CSMD1: variants seen among roughly 807,000 people sequenced by gnomAD.
CSMD1 encodes the protein CUB and Sushi multiple domains 1.
A neutral mutation model predicts 417.5 loss-of-function variants in CSMD1; 213 were observed. The ratio of observed to expected loss-of-function variants is 0.51; its 90% CI spans 0.46 to 0.57. The LOEUF (loss-of-function observed/expected upper bound fraction) is 0.57, where lower values mean the gene tolerates loss of function less well. CSMD1 is among the 20% of genes least tolerant of loss of function. The pLI, the probability that CSMD1 is intolerant of heterozygous loss-of-function variation, is 0.00. For synonymous variants in CSMD1, 2,862 were observed against 1,736.8 expected (o/e 1.65, Z -16.11); for missense variants, 6,923 against 4,529.7 (o/e 1.53, Z -15.17).
At chr8:3,832,837 G>A (rs561341858) in intron 5 of CSMD1, among the ~76,000 whole-genome samples, 1 of 152,152 alleles carries the variant, frequency 6.6e-6, no homozygotes, top group South Asian at 2.1e-4. Context: ...CAATTTGTAT[G>A]GTTATAGAAA....
chr8:4,018,743 G>T (rs4875262), intron 4 of CSMD1, among the ~76,000 whole-genome samples: 2 of 151,908 alleles, frequency 1.3e-5, no homozygotes, highest in Admixed American at 6.6e-5. Context: ...AGAACGGACA[G>T]CATGTGACAA....
intron 3 of CSMD1, among the ~76,000 whole-genome samples, chr8:4,312,684 C>G (rs35325775): frequency 0.048 from 7,275 of 151,756 alleles, 237 homozygotes; most frequent in Non-Finnish European, 0.063. Context: ...TGAGACCAGC[C>G]TGGCCAACCT....
At chr8:4,521,126 G>A (rs1803422210) in intron 2 of CSMD1, among the ~76,000 whole-genome samples, 1 of 151,960 alleles carries the variant, frequency 6.6e-6, no homozygotes, top group Admixed American at 6.6e-5. Context: ...TTTCTTCAAA[G>A]TTCATCAATT....
At chr8:3,034,890 A>C (rs1050432371) in intron 50 of CSMD1, among the ~76,000 whole-genome samples, 4 of 152,232 alleles carry the variant, frequency 2.6e-5, no homozygotes, top group African/African-American at 9.6e-5. Context: ...TATGACTCGA[A>C]CATCACAGAA....
intron 4 of CSMD1, among the ~76,000 whole-genome samples, chr8:3,999,924 C>A (rs1434577093): frequency 6.6e-6 from 1 of 152,054 alleles, no homozygotes; most frequent in African/African-American, 2.4e-5. Context: ...TTTTTAGATC[C>A]CAAATTTATT....
intron 9 of CSMD1, among the ~76,000 whole-genome samples, chr8:3,580,183 G>A (rs1433012519): frequency 6.6e-6 from 1 of 152,204 alleles, no homozygotes; most frequent in Admixed American, 6.5e-5. Flanking sequence ...GGGTATGGCG[G>A]AGAGAGAACA....
intron 3 of CSMD1, among the ~76,000 whole-genome samples, chr8:4,122,984 CAA>C (rs1375255656): frequency 6.6e-6 from 1 of 152,194 alleles, no homozygotes; most frequent in African/African-American, 2.4e-5. Flanking sequence ...TGATAATTGG[CAA>C]AGACGTGCCA....
intron 3 of CSMD1, among the ~76,000 whole-genome samples, chr8:4,212,895 T>C (rs1368994968): frequency 6.6e-6 from 1 of 151,994 alleles, no homozygotes; most frequent in Non-Finnish European, 1.5e-5. Flanking sequence ...GTTTAGAGGC[T>C]GAGCTGGAAA....
intron 25 of CSMD1, among the ~76,000 whole-genome samples, chr8:3,302,155 A>G (rs1804461939): frequency 6.6e-6 from 1 of 152,166 alleles, no homozygotes; most frequent in Non-Finnish European, 1.5e-5. Flanking sequence ...ATAATGATGA[A>G]ATAATGATGA....
At chr8:4,179,402 C>T (rs1249428106) in intron 3 of CSMD1, among the ~76,000 whole-genome samples, 1 of 152,112 alleles carries the variant, frequency 6.6e-6, no homozygotes, top group African/African-American at 2.4e-5. Context: ...TGGATCCCTT[C>T]CTTACACCCT....
rs144213388 is a variant in CSMD1 at position 3,612,085 on chromosome 8, T to A, written c.1097+4625A>T. Reference sequence around the variant, plus strand: ...ATTAAAACAATGTTGTGCAACAGATTGAATATAGAAACATATATAACAATC... The same window carrying A: ...ATTAAAACAATGTTGTGCAACAGATAGAATATAGAAACATATATAACAATC... On this transcript the variant is annotated intron_variant, in intron 8 of 69. Coordinates refer to ENST00000635120, the MANE Select transcript of CSMD1 (RefSeq NM_033225.6). Among the ~76,000 whole-genome samples the A allele has an allele frequency of 3.9e-5, 6 of 152,204 alleles. No individual in the cohort carries two copies. In the East Asian group the frequency reaches 1.2e-3, roughly 29 times the overall value.
chr8:4,296,365 G>A (rs776621294), intron 3 of CSMD1, among the ~76,000 whole-genome samples: 2 of 151,990 alleles, frequency 1.3e-5, no homozygotes, highest in Non-Finnish European at 2.9e-5. Flanking sequence ...TATATTTCAG[G>A]ACCACATCCA....
intron 2 of CSMD1, among the ~76,000 whole-genome samples, chr8:4,603,147 A>G (rs1800684872): frequency 6.6e-6 from 1 of 152,034 alleles, no homozygotes; most frequent in Non-Finnish European, 1.5e-5. Context: ...ACATAGCTAT[A>G]TTAATTACTT....
chr8:4,208,950 A>G (rs905179699), intron 3 of CSMD1, among the ~76,000 whole-genome samples: 5 of 152,218 alleles, frequency 3.3e-5, no homozygotes, highest in African/African-American at 9.6e-5. Context: ...GACCCTTTGC[A>G]GTACGCAATT....
At chr8:3,320,157 GA>G (rs1249746914) in intron 23 of CSMD1, among the ~76,000 whole-genome samples, 31 of 152,292 alleles carry the variant, frequency 2.0e-4, no homozygotes, top group African/African-American at 7.2e-4. Context: ...ATATAATCCT[GA>G]AAATCACCTA....
At chr8:4,446,128 C>G (rs141689228) in intron 2 of CSMD1, among the ~76,000 whole-genome samples, 2 of 152,112 alleles carry the variant, frequency 1.3e-5, no homozygotes, top group Non-Finnish European at 2.9e-5. Context: ...TTGTTACATT[C>G]GTTACATACG....
At chr8:3,014,056 ACT>A (rs1235896007) in intron 52 of CSMD1, among the ~76,000 whole-genome samples, 2 of 152,022 alleles carry the variant, frequency 1.3e-5, no homozygotes, top group Non-Finnish European at 2.9e-5. Flanking sequence ...TTTTATTTCT[ACT>A]CTGAGAAAAA....
At chr8:4,589,056 A>C (rs559686559) in intron 2 of CSMD1, among the ~76,000 whole-genome samples, 10 of 152,264 alleles carry the variant, frequency 6.6e-5, no homozygotes, top group Admixed American at 4.6e-4. Flanking sequence ...AATGTGTAAT[A>C]GTGTAAAAAT....
chr8:3,710,787 A>G (rs1801462519), intron 6 of CSMD1, among the ~76,000 whole-genome samples: 1 of 152,190 alleles, frequency 6.6e-6, no homozygotes, highest in Non-Finnish European at 1.5e-5. Context: ...AGCTCATATC[A>G]GGAAGCAAGG....
Sources: gnomAD v4.1 joint callset for allele counts (sites outside exome capture counted in the v4.1 genomes callset) on GRCh38, gnomAD v4.1.1 for gene constraint, MANE v1.5 for transcripts, NCBI Gene and HGNC (gene_info 2026-07-23, HGNC 2026-07-21) for gene names.